GPHN: variants seen among roughly 807,000 people sequenced by gnomAD.
The protein encoded by GPHN is gephyrin.
A neutral mutation model predicts 95.5 loss-of-function variants in GPHN; 17 were observed. The observed-to-expected ratio is 0.18, with a 90% CI of 0.12 to 0.27. The LOEUF (loss-of-function observed/expected upper bound fraction) is 0.27, where lower values mean the gene tolerates loss of function less well. GPHN is among the 10% of genes least tolerant of loss of function. GPHN has a pLI of 1.00. For missense variants in GPHN, 660 were observed against 978.1 expected (o/e 0.67, Z 4.34); for synonymous variants, 320 against 322.5 (o/e 0.99, Z 0.08).
the GPHN span, among the ~76,000 whole-genome samples, chr14:67,336,895 T>C: frequency 1.3e-5 from 2 of 152,218 alleles, no homozygotes; most frequent in African/African-American, 4.8e-5. Context: ...TCCAGAACAG[T>C]CCCAATGTCT....
At chr14:67,081,389 T>C (rs2076688258) in intron 11 of GPHN, among the ~76,000 whole-genome samples, 1 of 152,110 alleles carries the variant, frequency 6.6e-6, no homozygotes, top group African/African-American at 2.4e-5. Flanking sequence ...TTGTTGACCA[T>C]TTGTATATCT....
intron 1 of GPHN, among the ~76,000 whole-genome samples, chr14:66,614,256 C>G (rs1446200625): frequency 6.6e-6 from 1 of 152,024 alleles, no homozygotes; most frequent in African/African-American, 2.4e-5. Context: ...GGAAATCAAG[C>G]CTTTTTGAGG....
chr14:66,594,606 G>T (rs1361367940), intron 1 of GPHN, among the ~76,000 whole-genome samples: 1 of 152,174 alleles, frequency 6.6e-6, no homozygotes, highest in Non-Finnish European at 1.5e-5. Flanking sequence ...GGGAAACTGG[G>T]TGTTCACTTG....
chr14:66,590,138 C>G (rs1452537362), intron 1 of GPHN, among the ~76,000 whole-genome samples: 1 of 151,992 alleles, frequency 6.6e-6, no homozygotes, highest in African/African-American at 2.4e-5. Flanking sequence ...TGAAAACAGA[C>G]ACAACATAGA....
the GPHN span, among the ~76,000 whole-genome samples, chr14:67,415,681 T>A: frequency 6.6e-6 from 1 of 152,244 alleles, no homozygotes; most frequent in Non-Finnish European, 1.5e-5. Context: ...TGCATGTGTA[T>A]GTTCATTGCA....
At chr14:67,086,379 C>T (rs1240907876) in intron 11 of GPHN, among the ~76,000 whole-genome samples, 2 of 152,068 alleles carry the variant, frequency 1.3e-5, no homozygotes, top group Non-Finnish European at 2.9e-5. Flanking sequence ...TGGTCGGGCG[C>T]GGTGGCTCAC....
chr14:66,913,694 G>T (rs2065782212), intron 5 of GPHN, among the ~76,000 whole-genome samples: 1 of 151,910 alleles, frequency 6.6e-6, no homozygotes, highest in South Asian at 2.1e-4. Context: ...TTACTATCTT[G>T]TGTTGTAGTT....
At chr14:67,204,550 CAGTT>C in the GPHN span, 2 of 1,612,864 alleles carry the variant, frequency 1.2e-6, no homozygotes, top group South Asian at 2.2e-5. Context: ...TCTCCCTCTG[CAGTT>C]TGTGACTCTT....
intron 1 of GPHN, among the ~76,000 whole-genome samples, chr14:66,548,249 C>T (rs1389987936): frequency 4.7e-5 from 7 of 148,604 alleles, no homozygotes; most frequent in South Asian, 2.1e-4. Context: ...GGCACGATCT[C>T]GGCTCACTGC....
the GPHN span, chr14:67,650,597 C>A: frequency 1.1e-6 from 1 of 871,564 alleles, no homozygotes; most frequent in South Asian, 1.5e-5. Context: ...TAGGTATTTT[C>A]TACTATAAAA....
the GPHN span, among the ~76,000 whole-genome samples, chr14:67,459,077 A>C: frequency 6.6e-6 from 1 of 152,018 alleles, no homozygotes; most frequent in Non-Finnish European, 1.5e-5. Flanking sequence ...TTTGGTAGAG[A>C]TGGGGTTTTG....
At chr14:67,427,218 T>A in the GPHN span, among the ~76,000 whole-genome samples, 1 of 152,170 alleles carries the variant, frequency 6.6e-6, no homozygotes, top group African/African-American at 2.4e-5. Flanking sequence ...ACAGTCCCGT[T>A]AACTGTAAAG....
intron 2 of GPHN, among the ~76,000 whole-genome samples, chr14:66,729,965 C>T (rs2071618432): frequency 6.6e-6 from 1 of 152,168 alleles, no homozygotes; most frequent in Non-Finnish European, 1.5e-5. Context: ...AATATTCTTC[C>T]AGGACTTTCA....
At chr14:67,663,566 C>G in the GPHN span, among the ~76,000 whole-genome samples, 1 of 150,996 alleles carries the variant, frequency 6.6e-6, no homozygotes, top group Non-Finnish European at 1.5e-5. Flanking sequence ...CCCAGCTACT[C>G]AGGAGGCTGA....
the GPHN span, among the ~76,000 whole-genome samples, chr14:67,260,481 G>A: frequency 1.3e-5 from 2 of 152,156 alleles, no homozygotes; most frequent in African/African-American, 4.8e-5. Flanking sequence ...TCGGGGGCTT[G>A]CAATTAATAG....
At chr14:67,419,268 C>T in the GPHN span, among the ~76,000 whole-genome samples, 1 of 152,088 alleles carries the variant, frequency 6.6e-6, no homozygotes, top group African/African-American at 2.4e-5. Flanking sequence ...CTGAGGACCC[C>T]CCAGCACAGG....
the GPHN span, among the ~76,000 whole-genome samples, chr14:67,524,528 C>T: frequency 6.6e-6 from 1 of 152,296 alleles, no homozygotes; most frequent in African/African-American, 2.4e-5. Context: ...CACCCAGAAC[C>T]TCCTGCAGTC....
At chr14:66,535,795 T>C (rs1189530999) in intron 1 of GPHN, among the ~76,000 whole-genome samples, 1 of 152,158 alleles carries the variant, frequency 6.6e-6, no homozygotes, top group Admixed American at 6.5e-5. Flanking sequence ...TGTATTTTTA[T>C]CTTATAAGCA....
chr14:66,556,440 T>C (rs2060010498), intron 1 of GPHN, among the ~76,000 whole-genome samples: 1 of 152,202 alleles, frequency 6.6e-6, no homozygotes, highest in Non-Finnish European at 1.5e-5. Flanking sequence ...TCCAGTTCTC[T>C]TTCTAAGGGA....
Sources: allele counts gnomAD v4.1 joint callset (sites outside exome capture counted in the v4.1 genomes callset), GRCh38; gene constraint gnomAD v4.1.1; transcripts MANE v1.5; gene names NCBI Gene and HGNC (gene_info 2026-07-23, HGNC 2026-07-21).